ANK2: variants seen among roughly 807,000 people sequenced by gnomAD.
ANK2 encodes ankyrin-2.
A neutral mutation model predicts 360.5 loss-of-function variants in ANK2; 83 were observed. That is an observed-to-expected ratio of 0.23 (90% CI 0.19 to 0.28). The LOEUF (loss-of-function observed/expected upper bound fraction) is 0.28, where lower values mean the gene tolerates loss of function less well. Ranked by LOEUF, ANK2 falls within the 10% of genes least tolerant of loss-of-function variation. The probability of loss-of-function intolerance (pLI) is 1.00; values close to 1 mark genes in which losing one functional copy is unlikely to be tolerated. For missense variants in ANK2, 4,201 were observed against 4,795.7 expected (o/e 0.88, Z 3.66); for synonymous variants, 1,740 against 1,759.5 (o/e 0.99, Z 0.28).
At chr4:112,839,247 T>C (rs1188866209) in intron 1 of ANK2, among the ~76,000 whole-genome samples, 2 of 152,244 alleles carry the variant, frequency 1.3e-5, no homozygotes, top group Admixed American at 6.5e-5. Flanking sequence ...TTTTAAAATA[T>C]ACAGAAGGCA....
rs2076571473 is a variant in ANK2, at chr4:113,305,058, C to T, written c.2548+2219C>T. 3.9e-5 allele frequency among the ~76,000 whole-genome samples: 6 copies of T among 152,128 alleles called. No individual in the cohort carries two copies. The South Asian group carries it at 8.3e-4, about 21-fold the overall frequency. ...AAACGAAATTTATAAAAAATAGCCT[C>T]GGCCGGGCGCGGTGGCTCACGCCTG... On this transcript the variant is annotated intron_variant, in intron 23 of 45. Transcript: ENST00000357077.
intron 38 of ANK2, among the ~76,000 whole-genome samples, chr4:113,360,112 G>A (rs1007601184): frequency 6.6e-6 from 1 of 152,018 alleles, no homozygotes; most frequent in African/African-American, 2.4e-5. Flanking sequence ...CCTATACCAT[G>A]GTCTAAAATG....
At chr4:112,983,955 GTC>G (rs1420223121) in intron 2 of ANK2, among the ~76,000 whole-genome samples, 6 of 152,262 alleles carry the variant, frequency 3.9e-5, no homozygotes, top group African/African-American at 1.2e-4. Flanking sequence ...TGAAGACAAA[GTC>G]TGATTAACAG....
intron 2 of ANK2, among the ~76,000 whole-genome samples, chr4:112,942,559 G>A (rs1051723085): frequency 6.6e-6 from 1 of 151,874 alleles, no homozygotes. Flanking sequence ...CCGCTTATGA[G>A]AAAAATGAGG....
chr4:113,251,272 G>A (rs2046205414), intron 10 of ANK2, among the ~76,000 whole-genome samples: 1 of 152,018 alleles, frequency 6.6e-6, no homozygotes, highest in Non-Finnish European at 1.5e-5. Context: ...GAAGATGGCA[G>A]GTTACCTGGA....
intron 2 of ANK2, among the ~76,000 whole-genome samples, chr4:113,193,608 C>G (rs1671119433): frequency 6.6e-6 from 1 of 152,166 alleles, no homozygotes; most frequent in African/African-American, 2.4e-5. Flanking sequence ...ATTAATGGCA[C>G]AGTGAAACTG....
At chr4:112,991,984 A>G (rs1172980783) in intron 2 of ANK2, among the ~76,000 whole-genome samples, 1 of 151,928 alleles carries the variant, frequency 6.6e-6, no homozygotes, top group African/African-American at 2.4e-5. Flanking sequence ...TATTTTACGT[A>G]TTCTCTGAGA....
At chr4:112,822,194 A>G (rs538608074) in intron 1 of ANK2, among the ~76,000 whole-genome samples, 2 of 148,626 alleles carry the variant, frequency 1.3e-5, no homozygotes, top group Non-Finnish European at 3.0e-5. Flanking sequence ...CGAGGTCAGG[A>G]GATTGAGACC....
intron 1 of ANK2, among the ~76,000 whole-genome samples, chr4:112,856,952 G>A (rs72908871): frequency 6.6e-6 from 1 of 152,180 alleles, no homozygotes; most frequent in East Asian, 1.9e-4. Flanking sequence ...GGGTCAGGGG[G>A]TTGTTGCCAA....
chr4:113,311,903 G>A (rs10018929), intron 24 of ANK2, among the ~76,000 whole-genome samples: 2,919 of 152,158 alleles, frequency 0.019, 91 homozygotes, highest in African/African-American at 0.065. Flanking sequence ...AAAAGAATCC[G>A]AACAGAATCC....
At chr4:112,919,555 G>A (rs892586102) in intron 2 of ANK2, among the ~76,000 whole-genome samples, 3 of 151,974 alleles carry the variant, frequency 2.0e-5, no homozygotes, top group African/African-American at 4.8e-5. Flanking sequence ...TTAACAGTGC[G>A]AGATACATAG....
At chr4:113,150,470 T>C (rs575395539) in intron 1 of ANK2, among the ~76,000 whole-genome samples, 8 of 152,236 alleles carry the variant, frequency 5.3e-5, no homozygotes, top group Admixed American at 3.3e-4. Context: ...CAAAATACAA[T>C]CTGGGTTCCT....
intron 1 of ANK2, among the ~76,000 whole-genome samples, chr4:113,108,924 A>G (rs1300606835): frequency 1.3e-5 from 2 of 152,188 alleles, no homozygotes; most frequent in African/African-American, 4.8e-5. Flanking sequence ...GAATTCTCAA[A>G]TGTTTCAAGT....
chr4:112,970,150 A>AT (rs1202985644), intron 2 of ANK2, among the ~76,000 whole-genome samples: 1 of 150,752 alleles, frequency 6.6e-6, no homozygotes, highest in Non-Finnish European at 1.5e-5. Context: ...CACCAGTTTA[A>AT]TTTTTTTGTA....
the ANK2 span, among the ~76,000 whole-genome samples, chr4:112,741,384 C>T: frequency 6.6e-6 from 1 of 152,172 alleles, no homozygotes; most frequent in Admixed American, 6.6e-5. Flanking sequence ...CTTCAGAGAG[C>T]TCCCTTTTCG....
At chr4:112,784,277 C>A in the ANK2 span, among the ~76,000 whole-genome samples, 11 of 151,538 alleles carry the variant, frequency 7.3e-5, no homozygotes, top group South Asian at 2.1e-3. Flanking sequence ...CTCGATCTCC[C>A]AGCCTTAATC....
chr4:112,822,238 TAAAAAA>T (rs1211981767), intron 1 of ANK2, among the ~76,000 whole-genome samples: 9 of 88,538 alleles, frequency 1.0e-4, no homozygotes, highest in African/African-American at 2.2e-4. Flanking sequence ...CTGTCTCTAC[TAAAAAA>T]AAAAAAAAAA....
chr4:113,014,696 A>G (rs1041118709), intron 2 of ANK2, among the ~76,000 whole-genome samples: 24 of 152,162 alleles, frequency 1.6e-4, no homozygotes, highest in Non-Finnish European at 2.6e-4. Flanking sequence ...CTCAAACTCC[A>G]TCTTTCTCCA....
chr4:113,236,881 T>C, intron 5 of ANK2, 106 bp from the exon 6 acceptor site: 1 of 1,149,280 alleles, frequency 8.7e-7, no homozygotes, highest in Admixed American at 1.9e-5. Context: ...TTTTATTCTT[T>C]TGGTTGTCAA....
Sources: gnomAD v4.1 joint callset for allele counts (sites outside exome capture counted in the v4.1 genomes callset) on GRCh38, gnomAD v4.1.1 for gene constraint, MANE v1.5 for transcripts, NCBI Gene and HGNC (gene_info 2026-07-23, HGNC 2026-07-21) for gene names.